Variants in SLC13A1 observed in about 807,000 individuals in gnomAD.
SLC13A1 encodes solute carrier family 13 member 1, also known as Na(+)/sulfate cotransporter.
Under a neutral mutation model 70.0 loss-of-function variants are expected in SLC13A1, and 65 were observed. The observed-to-expected ratio is 0.93, with a 90% CI of 0.76 to 1.14. The LOEUF (loss-of-function observed/expected upper bound fraction) is 1.14, where lower values mean the gene tolerates loss of function less well. Ranked by LOEUF, SLC13A1 falls within the 50% of genes most tolerant of loss-of-function variation. The probability of loss-of-function intolerance (pLI) is 0.00; values close to 1 mark genes in which losing one functional copy is unlikely to be tolerated. For missense variants in SLC13A1, 726 were observed against 717.8 expected, an observed-to-expected ratio of 1.01 and a Z score of -0.13; for synonymous variants, 275 against 250.5, an observed-to-expected ratio of 1.10 and a Z score of -0.92.
At position 123,119,094 on chromosome 7, in the gene SLC13A1, A is replaced by T. The variant is rs1302662787; in HGVS notation, c.1499T>A (p.Ile500Lys). 1 of 1,612,180 alleles carries T rather than the reference A, an allele frequency of 6.2e-7. No individual in the cohort carries two copies. Among genetic ancestry groups the T allele is most frequent in the Non-Finnish European group, 8.5e-7 (1 of 1,178,984 alleles). ...NPATITLFLP[I>K]LSPLAEAIHV... Reference sequence around the variant, plus strand: ...TGAGATACTCACCAATGGAGATAATATTGGGAGAAAGAGTGTAATGGTAGC... The same window carrying T: ...TGAGATACTCACCAATGGAGATAATTTTGGGAGAAAGAGTGTAATGGTAGC... Residue 500 changes from isoleucine to lysine, a missense_variant, in exon 13 of 15, where the codon ATA becomes AAA. By Grantham distance (102) the Ile-to-Lys change is moderately radical. Coordinates refer to ENST00000194130, the MANE Select transcript of SLC13A1 (RefSeq NM_022444.4).
chr7:123,120,354 C>A (rs1793334026), intron 12 of SLC13A1, among the ~76,000 whole-genome samples: 1 of 151,996 alleles, frequency 6.6e-6, no homozygotes, highest in Non-Finnish European at 1.5e-5. Flanking sequence ...TTGTAGAATT[C>A]TAGGTTCAAA....
intron 7 of SLC13A1, among the ~76,000 whole-genome samples, chr7:123,146,372 A>C (rs1290938132): frequency 4.6e-5 from 7 of 152,182 alleles, no homozygotes; most frequent in Admixed American, 4.6e-4. Context: ...TAAAAGTACA[A>C]AAATTAGCTG....
At chr7:123,188,365 C>T (rs1281587355) in intron 1 of SLC13A1, among the ~76,000 whole-genome samples, 2 of 151,998 alleles carry the variant, frequency 1.3e-5, no homozygotes, top group African/African-American at 2.4e-5. Context: ...CTATGAAAAT[C>T]GACTAAGAAG....
intron 1 of SLC13A1, among the ~76,000 whole-genome samples, chr7:123,197,238 G>C (rs1475224667): frequency 1.3e-5 from 2 of 152,104 alleles, no homozygotes; most frequent in Non-Finnish European, 2.9e-5. Context: ...GAAAATGAAG[G>C]AAAGAAATCA....
At chr7:123,163,065 G>A (rs1794964267) in intron 6 of SLC13A1, among the ~76,000 whole-genome samples, 1 of 152,046 alleles carries the variant, frequency 6.6e-6, no homozygotes, top group African/African-American at 2.4e-5. Context: ...TGACATTAAT[G>A]CTTGCAGGGG....
chr7:123,198,013 C>T (rs770064498), intron 1 of SLC13A1, among the ~76,000 whole-genome samples: 25 of 152,088 alleles, frequency 1.6e-4, no homozygotes, highest in Non-Finnish European at 2.9e-4. Context: ...TAATTTCCTA[C>T]TTTCTCTGCC....
At chr7:123,154,797 A>G (rs1448516145) in intron 6 of SLC13A1, among the ~76,000 whole-genome samples, 4 of 152,058 alleles carry the variant, frequency 2.6e-5, no homozygotes, top group Admixed American at 1.3e-4. Context: ...TATTGTCTTG[A>G]TGACATCTCT....
intron 1 of SLC13A1, among the ~76,000 whole-genome samples, chr7:123,198,416 G>A (rs1368348734): frequency 1.4e-5 from 2 of 140,610 alleles, no homozygotes; most frequent in Non-Finnish European, 3.2e-5. Context: ...TACAAATTCT[G>A]TACGAATTTG....
chr7:123,180,853 T>C, intron 2 of SLC13A1, 120 bp downstream of exon 2: 1 of 1,032,070 alleles, frequency 9.7e-7, no homozygotes, highest in Non-Finnish European at 1.4e-6. Flanking sequence ...GTTGGAAGTT[T>C]GGGGGACTTA....
intron 1 of SLC13A1, among the ~76,000 whole-genome samples, chr7:123,191,840 AT>A: frequency 6.6e-6 from 1 of 152,308 alleles, no homozygotes; most frequent in East Asian, 1.9e-4. Flanking sequence ...ATCAGAGTAT[AT>A]ATTTTTAAAA....
At chr7:123,158,926 A>C (rs924188144) in intron 6 of SLC13A1, among the ~76,000 whole-genome samples, 1 of 152,094 alleles carries the variant, frequency 6.6e-6, no homozygotes, top group Admixed American at 6.6e-5. Context: ...ATACATTCAA[A>C]AGATATATTC....
At chr7:123,156,945 T>A (rs1261642288) in intron 6 of SLC13A1, among the ~76,000 whole-genome samples, 1 of 152,088 alleles carries the variant, frequency 6.6e-6, no homozygotes, top group Non-Finnish European at 1.5e-5. Flanking sequence ...CAGCTTAATA[T>A]GAAAATCAAT....
At chr7:123,140,145 G>A (rs544380453) in intron 7 of SLC13A1, among the ~76,000 whole-genome samples, 2 of 152,052 alleles carry the variant, frequency 1.3e-5, no homozygotes, top group South Asian at 2.1e-4. Context: ...GTGAAGGGAT[G>A]TTGAATTTTA....
chr7:123,145,857 G>A (rs2116407358), intron 7 of SLC13A1, among the ~76,000 whole-genome samples: 1 of 152,164 alleles, frequency 6.6e-6, no homozygotes, highest in African/African-American at 2.4e-5. Flanking sequence ...GTATTTCTTA[G>A]AGAATCCGTG....
At chr7:123,199,679 TA>T (rs1293963164) in intron 1 of SLC13A1, among the ~76,000 whole-genome samples, 168 bp downstream of exon 1, 1 of 152,052 alleles carries the variant, frequency 6.6e-6, no homozygotes, top group African/African-American at 2.4e-5. Flanking sequence ...TGTTAATTAT[TA>T]AAAAGGGAGA....
chr7:123,169,198 G>T lies in SLC13A1; in HGVS notation c.503C>A (p.Thr168Asn). 1 of 1,614,028 alleles carries T rather than the reference G, an allele frequency of 6.2e-7. No homozygotes were observed. Among genetic ancestry groups the T allele is most frequent in the Non-Finnish European group, 8.5e-7 (1 of 1,179,978 alleles). ...IINAEAEVEATQMTYFNGSTN... is the reference protein window; with the variant it reads ...IINAEAEVEANQMTYFNGSTN... ...TGATCCGTTGAAGTAAGTCATCTGAGTGGCCTCGACCTCTGCTTCTGCATT... is the reference window on the plus strand; with the variant it reads ...TGATCCGTTGAAGTAAGTCATCTGATTGGCCTCGACCTCTGCTTCTGCATT... Residue 168 changes from threonine (T) to asparagine (N), a missense_variant, in exon 4 of 15, where the codon ACT (threonine) becomes AAT (asparagine). By Grantham distance (65) the Thr-to-Asn change is moderately conservative. Transcript: ENST00000194130.
intron 10 of SLC13A1, among the ~76,000 whole-genome samples, chr7:123,128,605 T>G (rs1018997833): frequency 6.6e-6 from 1 of 152,144 alleles, no homozygotes; most frequent in Admixed American, 6.6e-5. Flanking sequence ...TGGGAATAAT[T>G]TTGTCTAATG....
chr7:123,119,151 A>C lies in SLC13A1; in HGVS notation c.1442T>G (p.Val481Gly), dbSNP rs765188545. 2 of 1,612,636 alleles carry C rather than the reference A, an allele frequency of 1.2e-6. No individual in the cohort carries two copies. The highest frequency in any genetic ancestry group is 2.7e-5 in the African/African-American group (2 of 74,860). Reference protein sequence around the residue: ...WLIILISSLMVTSLTEVASNP... With the variant: ...WLIILISSLMGTSLTEVASNP... ...GCTGGCTACCTCAGTTAAAGATGTC[A>C]CCATCAAAGAAGATATCAGAATTAT... Residue 481 changes from valine (V) to glycine (G), a missense_variant, in exon 13 of 15, where the codon GTG becomes GGG. Val to Gly is a moderately radical substitution (Grantham distance 109, BLOSUM62 -3). Coordinates refer to ENST00000194130, the MANE Select transcript of SLC13A1 (RefSeq NM_022444.4).
At chr7:123,144,374 A>G (rs541525828) in intron 7 of SLC13A1, among the ~76,000 whole-genome samples, 1 of 152,288 alleles carries the variant, frequency 6.6e-6, no homozygotes, top group Non-Finnish European at 1.5e-5. Flanking sequence ...TAAGTTTTAG[A>G]GGTTAGGTAG....
Sources: gnomAD v4.1 joint callset for allele counts (sites outside exome capture counted in the v4.1 genomes callset) on GRCh38, gnomAD v4.1.1 for gene constraint, MANE v1.5 for transcripts, NCBI Gene and HGNC (gene_info 2026-07-23, HGNC 2026-07-21) for gene names.